The following STAT1 variants were observed in gnomAD, a reference collection of about 807,000 sequenced individuals.
STAT1 encodes the protein signal transducer and activator of transcription 1-alpha/beta.
A neutral mutation model predicts 111.7 loss-of-function variants in STAT1; 24 were observed. The ratio of observed to expected loss-of-function variants is 0.21; its 90% confidence interval spans 0.16 to 0.30. The LOEUF is 0.30. Ranked by LOEUF, STAT1 falls within the 10% of genes least tolerant of loss-of-function variation. The pLI is 1.00. For synonymous variants in STAT1, 332 were observed against 326.5 expected, an observed-to-expected ratio of 1.02 and a Z score of -0.18; for missense variants, 351 against 911.9, an observed-to-expected ratio of 0.38 and a Z score of 7.92.
At chr2:191,005,517 T>C (rs1694621490) in intron 5 of STAT1, among the ~76,000 whole-genome samples, 1 of 152,158 alleles carries the variant, frequency 6.6e-6, no homozygotes, top group African/African-American at 2.4e-5. Context: ...CAATTGCCCA[T>C]AGCGTTCAGT....
rs1168006061 is a variant in STAT1, at chr2:190,989,601, TAA to T, written c.1097+12_1097+13del. Reference sequence around the variant, plus strand: ...ATAGTACATGTATGTTATATAATGTTAAAGATATCTTACTTATCAAATAAGAC... The same window carrying T: ...ATAGTACATGTATGTTATATAATGTTAGATATCTTACTTATCAAATAAGAC... On this transcript the variant is annotated intron_variant, in intron 12 of 24. Coordinates refer to ENST00000361099, the MANE Select transcript of STAT1 (RefSeq NM_007315.4). The surrounding 1 kb of genome is among the most constrained non-coding windows in gnomAD (Gnocchi z 5.0). 7.0e-7 allele frequency: 1 copy of T among 1,438,682 alleles called. No individual in the cohort carries two copies. The highest frequency in any genetic ancestry group is 1.8e-5 in the Admixed American group (1 of 56,036). The allele number at this position is 1,438,682 out of a possible 1,614,324, so 89.1% of individuals were successfully genotyped here.
At position 190,995,596 on chromosome 2, in the gene STAT1, GATT is replaced by G. The variant is rs1175698511; in HGVS notation, c.786-380_786-378del. Among the ~76,000 whole-genome samples, 1 of 152,166 alleles carries G rather than the reference GATT, an allele frequency of 6.6e-6. No individual in the cohort carries two copies. The highest frequency in any genetic ancestry group is 2.4e-5 in the African/African-American group (1 of 41,436). ...CCTGGCCCTGCCCTTGACACATGGG[GATT>G]ATTACAATTCAAGGTGAGATTTGGG... On this transcript the variant is annotated intron_variant, in intron 9 of 24. Transcript: ENST00000361099. This position sits in a 1 kb window ranked among gnomAD's most constrained non-coding sequence, Gnocchi z 4.2.
chr2:190,981,411 A>C lies in STAT1; in HGVS notation c.1583-742T>G, dbSNP rs4327257. 0.086 allele frequency among the ~76,000 whole-genome samples: 13,140 copies of C among 152,352 alleles called. 754 individuals are homozygous for C. Among genetic ancestry groups the C allele is most frequent in the Non-Finnish European group, 0.13 (8,620 of 68,030 alleles). On this transcript the variant is annotated intron_variant, in intron 18 of 24. Transcript: ENST00000361099. This position sits in a 1 kb window ranked among gnomAD's most constrained non-coding sequence, Gnocchi z 4.1. ...CCAAGTGAGAGAAACGAGAGGAAGA[A>C]GCCCGGGGTTATTAGCTACACAAAT...
At chr2:191,005,814 T>C (rs1694646396) in intron 5 of STAT1, among the ~76,000 whole-genome samples, 1 of 152,216 alleles carries the variant, frequency 6.6e-6, no homozygotes, top group Non-Finnish European at 1.5e-5. Context: ...AGGAGGCACC[T>C]ATTGTGCCTT....
chr2:190,978,738 G>T lies in STAT1; in HGVS notation c.1873+118C>A. ...CCTATCGGGGGCTCATTTGGGGTAA[G>T]TATAAGATCTGCAATTTCATGTCCC... On this transcript the variant is annotated intron_variant, in intron 21 of 24. Coordinates refer to ENST00000361099, the MANE Select transcript of STAT1 (RefSeq NM_007315.4). The surrounding 1 kb of genome is among the most constrained non-coding windows in gnomAD (Gnocchi z 6.1). The T allele has an allele frequency of 7.4e-7, 1 of 1,357,304 alleles. No homozygotes were observed. The highest frequency in any genetic ancestry group is 1.0e-6 in the Non-Finnish European group (1 of 978,938). 84.1% of individuals were successfully genotyped at this position (1,357,304 alleles called of 1,614,324 possible).
chr2:190,995,207 A>G lies in STAT1; in HGVS notation c.798T>C (p.Val266=). The part of the protein sequence containing the change: ...LDQLQNWFTI[V]AESLQQVRQQ... ...GCCGAACTTGCTGCAGACTCTCCGC[A>G]ACTATAGTGAACCTGGGAAGACACA... is the stretch of plus-strand genomic sequence containing the variant. The change falls in exon 10 of 25, where the codon GTT becomes GTC. Residue 266 remains valine, a synonymous_variant. Transcript: ENST00000361099. The surrounding 1 kb of genome is among the most constrained non-coding windows in gnomAD (Gnocchi z 4.2). 1 of 1,613,896 alleles carries G rather than the reference A, an allele frequency of 6.2e-7. No homozygotes were observed. Among genetic ancestry groups the G allele is most frequent in the Non-Finnish European group, 8.5e-7 (1 of 1,179,944 alleles).
chr2:190,991,709 T>G (rs1309227463), intron 10 of STAT1, among the ~76,000 whole-genome samples: 2 of 151,804 alleles, frequency 1.3e-5, no homozygotes, highest in African/African-American at 4.8e-5. Flanking sequence ...TTGTTTTTTT[T>G]TTTTTAATTA....
rs541413927 is a variant in STAT1 at position 190,999,992 on chromosome 2, T to C, written c.463-288A>G. Among the ~76,000 whole-genome samples, 9 of 152,364 alleles carry C rather than the reference T, an allele frequency of 5.9e-5. No homozygotes were observed. Among genetic ancestry groups the C allele is most frequent in the African/African-American group, 1.9e-4 (8 of 41,586 alleles). ...AAATTTTGATTCTTCCTCATCATTT[T>C]TGAGACTACCTCTGAGATATGATTT... On this transcript the variant is annotated intron_variant, in intron 6 of 24. Transcript: ENST00000361099. This position sits in a 1 kb window ranked among gnomAD's most constrained non-coding sequence, Gnocchi z 4.1.
chr2:190,975,647 A>C lies in STAT1; in HGVS notation c.2135+165T>G. On this transcript the variant is annotated intron_variant, in intron 23 of 24. Coordinates refer to ENST00000361099, the MANE Select transcript of STAT1 (RefSeq NM_007315.4). This position sits in a 1 kb window ranked among gnomAD's most constrained non-coding sequence, Gnocchi z 5.9. ...TTGGCTTTTTTTTTTTTTTTAAAGT[A>C]GTAAAATGCTGATAGGCAGTAACAC... 1 of 1,426,902 alleles carries C rather than the reference A, an allele frequency of 7.0e-7. No individual in the cohort carries two copies. Among genetic ancestry groups the C allele is most frequent in the South Asian group, 1.5e-5 (1 of 68,814 alleles). The allele number at this position is 1,426,902 out of a possible 1,614,324, so 88.4% of individuals were successfully genotyped here. A position where few individuals can be genotyped will look rare whatever the true frequency, so the allele number is the denominator to read the frequency against.
rs1002475116 is a variant in STAT1 at position 190,982,104 on chromosome 2, A to G, written c.1582+279T>C. The stretch of plus-strand genomic sequence containing the variant: ...GGAACTTATTTCAGCCACAAATAAT[A>G]TATTTTACATAATTCATAAAACTTT... On this transcript the variant is annotated intron_variant, in intron 18 of 24. Coordinates refer to ENST00000361099, the MANE Select transcript of STAT1 (RefSeq NM_007315.4). The surrounding 1 kb of genome is among the most constrained non-coding windows in gnomAD (Gnocchi z 7.3). 3.3e-5 allele frequency among the ~76,000 whole-genome samples: 5 copies of G among 152,234 alleles called. No homozygotes were observed. The highest frequency in any genetic ancestry group is 1.2e-4 in the African/African-American group (5 of 41,452).
Position 190,983,659 on chromosome 2 carries a change from G to C in STAT1, c.1429C>G (p.Leu477Val), listed in dbSNP as rs771343339. Residue 477 changes from leucine (L) to valine (V), a missense_variant, in exon 17 of 25, where the codon CTG (leucine) becomes GTG (valine). Leu to Val is a conservative substitution (Grantham distance 32, BLOSUM62 1). This residue lies in a region of STAT1 where 181 missense variants were observed against 426.1 expected (regional missense o/e 0.42). Transcript: ENST00000361099. This position sits in a 1 kb window ranked among gnomAD's most constrained non-coding sequence, Gnocchi z 5.7. ...GWASILWYNMLVAEPRNLSFF... is the reference protein window; with the variant it reads ...GWASILWYNMVVAEPRNLSFF... ...TTCCATACCCTGGGTTCCGCCACCA[G>C]CATGTTGTACCAAAGGATGGAGGCC... 6.2e-7 allele frequency: 1 copy of C among 1,614,078 alleles called. No individual in the cohort carries two copies. The highest frequency in any genetic ancestry group is 1.1e-5 in the South Asian group (1 of 91,084).
At chr2:190,994,639 G>A (rs1241428813) in intron 10 of STAT1, among the ~76,000 whole-genome samples, 2 of 152,074 alleles carry the variant, frequency 1.3e-5, no homozygotes, top group East Asian at 3.9e-4. Flanking sequence ...AAAAATTTGA[G>A]GCCAGGCACA....
At position 190,983,736 on chromosome 2, in the gene STAT1, G is replaced by C; in HGVS notation, c.1352C>G (p.Thr451Ser). ...QPGLVIDLETTSLPVVVISNV... is the reference protein window; with the variant it reads ...QPGLVIDLETSSLPVVVISNV... ...GGAGATCACCACAACGGGCAGAGAG[G>C]TCGTCTAAAGGATGACAAAGACCTT... The change falls in exon 17 of 25, where the codon ACC (threonine) becomes AGC (serine). Residue 451 changes from threonine to serine, a missense_variant. Transcript: ENST00000361099. This position sits in a 1 kb window ranked among gnomAD's most constrained non-coding sequence, Gnocchi z 5.7. 1 of 1,614,066 alleles carries C rather than the reference G, an allele frequency of 6.2e-7. No homozygotes were observed. Among genetic ancestry groups the C allele is most frequent in the Non-Finnish European group, 8.5e-7 (1 of 1,179,922 alleles).
chr2:190,984,467 C>T lies in STAT1; in HGVS notation c.1264-74G>A. 10 of 1,301,750 alleles carry T rather than the reference C, an allele frequency of 7.7e-6. No individual in the cohort carries two copies. Among genetic ancestry groups the T allele is most frequent in the Non-Finnish European group, 1.1e-5 (10 of 906,704 alleles). The allele number at this position is 1,301,750 out of a possible 1,614,324, so 80.6% of individuals were successfully genotyped here. On this transcript the variant is annotated intron_variant, in intron 15 of 24. Transcript: ENST00000361099. The surrounding 1 kb of genome is among the most constrained non-coding windows in gnomAD (Gnocchi z 5.2). ...CTAAAACTTTCAAAAGCCCAATTAA[C>T]ATTGCAACAGGCCACAGAGATCCTG...
chr2:190,988,520 C>T (rs1048102134), intron 12 of STAT1, among the ~76,000 whole-genome samples: 3 of 152,096 alleles, frequency 2.0e-5, no homozygotes, highest in East Asian at 1.9e-4. Context: ...CTGTGATTAC[C>T]GGTGCACACC....
rs113329466 is a variant in STAT1, at chr2:191,000,582, T to C, written c.462+492A>G. Among the ~76,000 whole-genome samples, 39 of 152,322 alleles carry C rather than the reference T, an allele frequency of 2.6e-4. 1 individual carries two copies. The highest frequency in any genetic ancestry group is 9.4e-4 in the African/African-American group (39 of 41,566). On this transcript the variant is annotated intron_variant, in intron 6 of 24. Coordinates refer to ENST00000361099, the MANE Select transcript of STAT1 (RefSeq NM_007315.4). The surrounding 1 kb of genome is among the most constrained non-coding windows in gnomAD (Gnocchi z 4.8). ...GAGGACGCCAGAGCAGCCCTCTGCTTCCATAAATTGACTTGGAAGTTGTAT... is the reference window on the plus strand; with the variant it reads ...GAGGACGCCAGAGCAGCCCTCTGCTCCCATAAATTGACTTGGAAGTTGTAT...
chr2:190,997,882 A>G lies in STAT1; in HGVS notation c.759T>C (p.Asn253=). Residue 253 remains asparagine (N), a synonymous_variant, in exon 9 of 25, where the codon AAT becomes AAC. Transcript: ENST00000361099. The surrounding 1 kb of genome is among the most constrained non-coding windows in gnomAD (Gnocchi z 7.3). ...QQSACIGGPP[N]ACLDQLQNWF... The stretch of plus-strand genomic sequence containing the variant: ...AGTTCTGCAGCTGATCCAAGCAAGC[A>G]TTGGGCGGCCCCCCAATACAGGCGC... The G allele has an allele frequency of 1.9e-6, 3 of 1,614,226 alleles. No homozygotes were observed. Among genetic ancestry groups the G allele is most frequent in the Non-Finnish European group, 1.7e-6 (2 of 1,180,056 alleles).
In STAT1 at chr2:190,981,708, T is replaced by C. The variant is rs1692406145; in HGVS notation, c.1582+675A>G. On this transcript the variant is annotated intron_variant, in intron 18 of 24. Coordinates refer to ENST00000361099, the MANE Select transcript of STAT1 (RefSeq NM_007315.4). This position sits in a 1 kb window ranked among gnomAD's most constrained non-coding sequence, Gnocchi z 4.1. ...GCAGTGCTGCTCTACAGAAAGCAAA[T>C]CTGGATACAAGTTGTCCACGGATTT... is the stretch of plus-strand genomic sequence containing the variant. 6.6e-6 allele frequency among the ~76,000 whole-genome samples: 1 copy of C among 152,220 alleles called. No homozygotes were observed. Among genetic ancestry groups the C allele is most frequent in the African/African-American group, 2.4e-5 (1 of 41,456 alleles).
rs1456165355 is a variant in STAT1 at position 191,007,797 on chromosome 2, T to C, written c.274-136A>G. Reference sequence around the variant, plus strand: ...CATCTATTAAATTCTATATAAGCTATGTTTGTTAAAATCAAAATATTTCTT... The same window carrying C: ...CATCTATTAAATTCTATATAAGCTACGTTTGTTAAAATCAAAATATTTCTT... On this transcript the variant is annotated intron_variant, in intron 4 of 24. Transcript: ENST00000361099. The surrounding 1 kb of genome is among the most constrained non-coding windows in gnomAD (Gnocchi z 4.2). The C allele has an allele frequency of 1.3e-5, 9 of 703,810 alleles. No homozygotes were observed. The highest frequency in any genetic ancestry group is 5.4e-5 in the African/African-American group (3 of 55,522). 43.6% of individuals were successfully genotyped at this position (703,810 alleles called of 1,614,324 possible). A position where few individuals can be genotyped will look rare whatever the true frequency, so the allele number is the denominator to read the frequency against.
Sources: allele counts gnomAD v4.1 joint callset (sites outside exome capture counted in the v4.1 genomes callset), GRCh38; gene constraint gnomAD v4.1.1; regional missense constraint gnomAD v4.1.1; non-coding constraint Gnocchi (gnomAD v3.1); transcripts MANE v1.5; gene names NCBI Gene and HGNC (gene_info 2026-07-23, HGNC 2026-07-21).